HMGB1: variants seen among roughly 807,000 people sequenced by gnomAD.
HMGB1 encodes high mobility group box 1.
For synonymous variants in HMGB1, 81 were observed against 84.0 expected, an observed-to-expected ratio of 0.96 and a Z score of 0.19; for missense variants, 79 against 253.5, an observed-to-expected ratio of 0.31 and a Z score of 4.67.
chr13:30,511,281 C>T (rs958994704), intron 1 of HMGB1, among the ~76,000 whole-genome samples: 5 of 152,182 alleles, frequency 3.3e-5, no homozygotes, highest in Non-Finnish European at 4.4e-5. Context: ...TCATCCCCAA[C>T]GCTGGAGGCA....
chr13:30,592,826 G>A (rs1202203403), intron 1 of HMGB1, among the ~76,000 whole-genome samples: 1 of 143,382 alleles, frequency 7.0e-6, no homozygotes, highest in Admixed American at 7.0e-5. Context: ...TGATACTGTT[G>A]AAAATTATGA....
chr13:30,601,883 G>A (rs1387359066), intron 1 of HMGB1, among the ~76,000 whole-genome samples: 1 of 150,400 alleles, frequency 6.6e-6, no homozygotes, highest in Non-Finnish European at 1.5e-5. Flanking sequence ...GAATGCAGCA[G>A]AACTGATGAT....
In HMGB1 at chr13:30,462,657, G is replaced by A. The variant is rs1181606848; in HGVS notation, c.352C>T (p.Pro118Ser). 6.2e-7 allele frequency: 1 copy of A among 1,612,182 alleles called. No homozygotes were observed. The highest frequency in any genetic ancestry group is 8.5e-7 in the Non-Finnish European group (1 of 1,178,402). The change falls in exon 4 of 5, where the codon CCT becomes TCT. Residue 118 changes from proline to serine, a missense_variant. Coordinates refer to ENST00000341423, the MANE Select transcript of HMGB1 (RefSeq NM_002128.7). ...EYRPKIKGEH[P>S]GLSIGDVAKK... ...GCAACATCACCAATGGACAGGCCAG[G>A]ATGTTCTCCTTTGATTTTTGGGCGA...
chr13:30,538,533 T>C (rs9506327), intron 1 of HMGB1, among the ~76,000 whole-genome samples: 54 of 138,232 alleles, frequency 3.9e-4, no homozygotes, highest in African/African-American at 1.7e-3. Flanking sequence ...CCTTTCTTTC[T>C]TTCCTTTCTT....
At chr13:30,464,357 T>G (rs1462026932) in intron 1 of HMGB1, 1 of 985,124 alleles carries the variant, frequency 1.0e-6, no homozygotes, top group Admixed American at 6.2e-5. Context: ...TTTCTCCGAG[T>G]AAACAAGGAT....
At chr13:30,550,721 A>C (rs1869389250) in intron 1 of HMGB1, among the ~76,000 whole-genome samples, 1 of 152,166 alleles carries the variant, frequency 6.6e-6, no homozygotes, top group Non-Finnish European at 1.5e-5. Flanking sequence ...CTGCTCCAAA[A>C]CATAAGACTC....
intron 1 of HMGB1, among the ~76,000 whole-genome samples, chr13:30,555,048 T>G (rs1159576627): frequency 7.2e-6 from 1 of 139,512 alleles, no homozygotes; most frequent in African/African-American, 2.7e-5. Context: ...TTTTTTTTTT[T>G]TTTTTTTTTT....
chr13:30,564,811 G>C (rs545024225), intron 1 of HMGB1, among the ~76,000 whole-genome samples: 3 of 152,334 alleles, frequency 2.0e-5, no homozygotes, highest in South Asian at 2.1e-4. Context: ...GAGGCAGAAA[G>C]AGAAGTTGAA....
At chr13:30,479,164 T>C (rs1470184304) in intron 1 of HMGB1, among the ~76,000 whole-genome samples, 1 of 152,256 alleles carries the variant, frequency 6.6e-6, no homozygotes, top group Non-Finnish European at 1.5e-5. Context: ...CTTTTACCTC[T>C]TGTCACTATT....
chr13:30,538,498 C>CTTTCTTTCTTTA lies in HMGB1; in HGVS notation c.-14-74805_-14-74804insTAAAGAAAGAAA, dbSNP rs1566018766. Among the ~76,000 whole-genome samples the CTTTCTTTCTTTA allele has an allele frequency of 2.4e-3, 38 of 15,840 alleles. 1 individual carries two copies. The highest frequency in any genetic ancestry group is 3.8e-3 in the African/African-American group (37 of 9,664). 10.4% of individuals were successfully genotyped at this position (15,840 alleles called of 152,430 possible). A position where few individuals can be genotyped will look rare whatever the true frequency, so the allele number is the denominator to read the frequency against. On this transcript the variant is annotated intron_variant, in intron 1 of 4. Transcript: ENST00000405805. The stretch of plus-strand genomic sequence containing the variant: ...TCTTTCTTTCTTTCTTTCTTTCTTT[C>CTTTCTTTCTTTA]TTTCTTTCTTTCCTTTCTTTCTTTC...
At chr13:30,523,475 A>G (rs994460373) in intron 1 of HMGB1, among the ~76,000 whole-genome samples, 1 of 152,174 alleles carries the variant, frequency 6.6e-6, no homozygotes, top group Non-Finnish European at 1.5e-5. Flanking sequence ...TTGGAGTTAC[A>G]GAGTGAGATA....
intron 1 of HMGB1, among the ~76,000 whole-genome samples, chr13:30,473,164 C>T (rs1320271801): frequency 1.3e-5 from 2 of 152,258 alleles, no homozygotes; most frequent in East Asian, 3.9e-4. Context: ...AGGAGAACCT[C>T]TTCCCCAGCT....
At chr13:30,461,610 T>A in intron 4 of HMGB1, 77 bp from the exon 5 acceptor site, 1 of 1,575,720 alleles carries the variant, frequency 6.3e-7, no homozygotes, top group South Asian at 1.2e-5. Flanking sequence ...GGCAGAACTT[T>A]ATGAAAGAAA....
intron 1 of HMGB1, among the ~76,000 whole-genome samples, chr13:30,511,050 C>A (rs1047901743): frequency 2.0e-5 from 3 of 152,172 alleles, no homozygotes; most frequent in Admixed American, 6.5e-5. Context: ...TTACTCATCA[C>A]ACTGAGGTAA....
chr13:30,603,332 T>A (rs1279243478), intron 1 of HMGB1, among the ~76,000 whole-genome samples: 1 of 152,184 alleles, frequency 6.6e-6, no homozygotes, highest in Non-Finnish European at 1.5e-5. Context: ...CAGAATCTCC[T>A]CTTGGAAGTA....
In HMGB1 at chr13:30,559,249, C is replaced by T. The variant is rs886102683; in HGVS notation, c.-15+57422G>A. Among the ~76,000 whole-genome samples the T allele has an allele frequency of 3.3e-5, 5 of 152,044 alleles. No individual in the cohort carries two copies. Among genetic ancestry groups the T allele is most frequent in the African/African-American group, 4.8e-5 (2 of 41,398 alleles). ...GTTAGGCACTGGCCTCACTCCAAGG[C>T]CAGTGCTTCCTGTGCTTCTAGAGTG... On this transcript the variant is annotated intron_variant, in intron 1 of 4. Coordinates refer to the HMGB1 transcript ENST00000405805. The surrounding 1 kb of genome is among the most constrained non-coding windows in gnomAD (Gnocchi z 6.6).
intron 1 of HMGB1, chr13:30,464,877 TACGGCCGGGGGAGGGGCGGGGGGCGC>T (rs1405187854): frequency 7.0e-6 from 1 of 142,420 alleles, no homozygotes; most frequent in Non-Finnish European, 1.5e-5. Flanking sequence ...ACTCGGCCAT[TACGGCCGGGGGAGGGGCGGGGGGCGC>T]GCGGCCGGGC....
chr13:30,475,750 AAAAAT>A (rs1476711897), intron 1 of HMGB1, among the ~76,000 whole-genome samples: 1 of 152,142 alleles, frequency 6.6e-6, no homozygotes, highest in Non-Finnish European at 1.5e-5. Flanking sequence ...CTTCACAATA[AAAAAT>A]CCAGATATTT....
intron 1 of HMGB1, among the ~76,000 whole-genome samples, chr13:30,471,950 G>A (rs1886954867): frequency 6.6e-6 from 1 of 151,978 alleles, no homozygotes; most frequent in Non-Finnish European, 1.5e-5. Flanking sequence ...TTACAGGCGT[G>A]AGCCACCGCG....
Sources: allele counts gnomAD v4.1 joint callset (sites outside exome capture counted in the v4.1 genomes callset), GRCh38; gene constraint gnomAD v4.1.1; non-coding constraint Gnocchi (gnomAD v3.1); transcripts MANE v1.5; gene names NCBI Gene and HGNC (gene_info 2026-07-23, HGNC 2026-07-21).